Variants in IL2RB observed in about 807,000 individuals in gnomAD.
IL2RB encodes interleukin-2 receptor subunit beta.
In IL2RB, 17 loss-of-function variants were observed where a neutral mutation model predicts 44.2. The observed-to-expected ratio is 0.38, with a 90% confidence interval of 0.26 to 0.58. The LOEUF is 0.58. Ranked by LOEUF, IL2RB falls within the 20% of genes least tolerant of loss-of-function variation. The pLI, the probability that IL2RB is intolerant of heterozygous loss-of-function variation, is 0.63. For missense variants in IL2RB, 624 were observed against 685.5 expected, an observed-to-expected ratio of 0.91 and a Z score of 1.00; for synonymous variants, 286 against 297.9, an observed-to-expected ratio of 0.96 and a Z score of 0.41.
chr22:37,142,231 G>A (rs780633557), intron 4 of IL2RB, among the ~76,000 whole-genome samples: 21 of 152,302 alleles, frequency 1.4e-4, no homozygotes, highest in Non-Finnish European at 2.4e-4. Context: ...AGGGTCCGTC[G>A]GCCCTGGGGC....
At chr22:37,142,272 T>C (rs1199516446) in intron 4 of IL2RB, among the ~76,000 whole-genome samples, 162 bp downstream of exon 4, 1 of 152,216 alleles carries the variant, frequency 6.6e-6, no homozygotes, top group Non-Finnish European at 1.5e-5. Flanking sequence ...GGGTGTCACC[T>C]GTTTTTCTCT....
chr22:37,166,381 T>C (rs2145740599), intron 1 of IL2RB, among the ~76,000 whole-genome samples: 1 of 152,276 alleles, frequency 6.6e-6, no homozygotes, highest in South Asian at 2.1e-4. Context: ...GAGCCTGCGC[T>C]TCCTGGGCCA....
At chr22:37,164,401 G>A (rs1922995244) in intron 1 of IL2RB, among the ~76,000 whole-genome samples, 1 of 151,306 alleles carries the variant, frequency 6.6e-6, no homozygotes, top group Admixed American at 6.6e-5. Context: ...GAGCCCAGAG[G>A]TGCTGCTGAC....
chr22:37,171,218 G>A (rs1923273967), intron 1 of IL2RB, among the ~76,000 whole-genome samples: 1 of 152,150 alleles, frequency 6.6e-6, no homozygotes. Flanking sequence ...CCTGACCGCA[G>A]GTGATCCACC....
At chr22:37,153,160 C>A (rs1922559805), upstream of IL2RB, among the ~76,000 whole-genome samples, 1 of 152,082 alleles carries the variant, frequency 6.6e-6, no homozygotes, top group South Asian at 2.1e-4. Flanking sequence ...ATCTTGAACT[C>A]CTGACCTCAG....
rs1921348663 is a variant in IL2RB, at chr22:37,130,069, G to A, written c.904-1221C>T. 3.3e-5 allele frequency among the ~76,000 whole-genome samples: 5 copies of A among 152,334 alleles called. No homozygotes were observed. In the South Asian group the frequency reaches 8.3e-4, roughly 25 times the overall value. ...TACATGCATGCACACATGCACACAC[G>A]TGCACACACCACTCAATTAAATCCG... is the stretch of plus-strand genomic sequence containing the variant. On this transcript the variant is annotated intron_variant, in intron 9 of 9. Transcript: ENST00000216223.
chr22:37,168,948 T>C (rs949405378), intron 1 of IL2RB, among the ~76,000 whole-genome samples: 11 of 144,406 alleles, frequency 7.6e-5, no homozygotes, highest in Non-Finnish European at 1.7e-4. Flanking sequence ...TACAGAGGGG[T>C]TATTGCTTAC....
intron 1 of IL2RB, among the ~76,000 whole-genome samples, chr22:37,160,869 C>T (rs1034134300): frequency 3.3e-5 from 5 of 151,554 alleles, no homozygotes; most frequent in Admixed American, 6.6e-5. Context: ...AGACTGGATG[C>T]GGTGGCTCAC....
Position 37,141,549 on chromosome 22 carries a change from CTGCAG to C in IL2RB, c.282+880_282+884del, listed in dbSNP as rs1483562368. 9.2e-5 allele frequency among the ~76,000 whole-genome samples: 14 copies of C among 152,128 alleles called. No individual in the cohort carries two copies. Among genetic ancestry groups the C allele is most frequent in the African/African-American group, 2.7e-4 (11 of 41,506 alleles). On this transcript the variant is annotated intron_variant, in intron 4 of 9. Coordinates refer to ENST00000216223, the MANE Select transcript of IL2RB (RefSeq NM_000878.5). This position sits in a 1 kb window ranked among gnomAD's most constrained non-coding sequence, Gnocchi z 4.4. Reference sequence around the variant, plus strand: ...GTAGCCAGGAGCTCTCCTGGGGCAGCTGCAGCTGCCCAAGCCAGGACCCAGGCATC... The same window carrying C: ...GTAGCCAGGAGCTCTCCTGGGGCAGCCTGCCCAAGCCAGGACCCAGGCATC...
chr22:37,173,256 A>T lies in IL2RB; in HGVS notation c.-34+1702T>A, dbSNP rs115742556. Among the ~76,000 whole-genome samples the T allele has an allele frequency of 9.0e-3, 1,371 of 152,240 alleles. 22 individuals carry two copies. The highest frequency in any genetic ancestry group is 0.032 in the African/African-American group (1,313 of 41,528). The stretch of plus-strand genomic sequence containing the variant: ...CTCCCAAATTTGCTTCTCCCTTGCC[A>T]GCACTTACCCCACGCTGAAGCCCTG... On this transcript the variant is annotated intron_variant, in intron 1 of 5. Transcript: ENST00000429622.
At chr22:37,133,928 G>A (rs1303708347) in intron 8 of IL2RB, among the ~76,000 whole-genome samples, 6 of 151,960 alleles carry the variant, frequency 3.9e-5, no homozygotes, top group Non-Finnish European at 7.4e-5. Context: ...CCTCTGCCTG[G>A]GACACTCTCC....
Position 37,126,446 on chromosome 22 carries a change from C to A in IL2RB, c.*1650G>T, listed in dbSNP as rs1164758308. The A allele has an allele frequency of 1.3e-5, 2 of 152,206 alleles. No individual in the cohort carries two copies. Among genetic ancestry groups the A allele is most frequent in the Non-Finnish European group, 2.9e-5 (2 of 68,032 alleles). 9.4% of individuals were successfully genotyped at this position (152,206 alleles called of 1,614,324 possible). ...GCTTGTCTACCTTTCCAAGGCTCAA[C>A]GCTTGTGGAGCCTTGTCCACAAGCA... On this transcript the variant is annotated 3_prime_UTR_variant, in exon 10 of 10. Coordinates refer to ENST00000216223, the MANE Select transcript of IL2RB (RefSeq NM_000878.5).
intron 1 of IL2RB, among the ~76,000 whole-genome samples, chr22:37,163,385 T>C (rs1349178698): frequency 6.6e-6 from 1 of 152,074 alleles, no homozygotes; most frequent in Non-Finnish European, 1.5e-5. Flanking sequence ...GGTACTTTGA[T>C]TGAGAGTTCA....
chr22:37,150,325 C>T (rs966631116), upstream of IL2RB, among the ~76,000 whole-genome samples: 1 of 152,124 alleles, frequency 6.6e-6, no homozygotes, highest in Non-Finnish European at 1.5e-5. Flanking sequence ...GTGACCCCAG[C>T]GTCTCACCCT....
chr22:37,147,400 G>C (rs1044239548), intron 1 of IL2RB, among the ~76,000 whole-genome samples: 1 of 152,272 alleles, frequency 6.6e-6, no homozygotes, highest in East Asian at 1.9e-4. Context: ...TTCCCACCAC[G>C]ACAGCTCACA....
intron 9 of IL2RB, among the ~76,000 whole-genome samples, chr22:37,131,298 A>T (rs1921411995): frequency 6.6e-6 from 1 of 152,198 alleles, no homozygotes; most frequent in Non-Finnish European, 1.5e-5. Context: ...AGGTCATGAC[A>T]GCTCTGGTCC....
intron 1 of IL2RB, among the ~76,000 whole-genome samples, chr22:37,148,898 A>G (rs1450632147): frequency 6.6e-6 from 1 of 151,948 alleles, no homozygotes; most frequent in Non-Finnish European, 1.5e-5. Context: ...GGTTCATCCA[A>G]CTTGACCTCT....
chr22:37,163,739 C>T (rs760466774), intron 1 of IL2RB, among the ~76,000 whole-genome samples: 3 of 152,242 alleles, frequency 2.0e-5, no homozygotes, highest in African/African-American at 4.8e-5. Flanking sequence ...CAGAGGGATG[C>T]TCGTCTCCAC....
chr22:37,158,883 G>A (rs1030330453), intron 1 of IL2RB, among the ~76,000 whole-genome samples: 8 of 152,146 alleles, frequency 5.3e-5, no homozygotes, highest in African/African-American at 1.7e-4. Flanking sequence ...CCCATCCTCC[G>A]CCGTCTTCAC....
Sources: gnomAD v4.1 joint callset for allele counts (sites outside exome capture counted in the v4.1 genomes callset) on GRCh38, gnomAD v4.1.1 for gene constraint, Gnocchi (gnomAD v3.1) non-coding constraint, MANE v1.5 for transcripts, NCBI Gene and HGNC (gene_info 2026-07-23, HGNC 2026-07-21) for gene names.